PLCB4: variants seen among roughly 807,000 people sequenced by gnomAD.
PLCB4 encodes 1-phosphatidylinositol 4,5-bisphosphate phosphodiesterase beta-4.
PLCB4 carries 77 observed loss-of-function variants against 178.8 expected under a neutral mutation model. That is an observed-to-expected ratio of 0.43 (90% CI 0.36 to 0.52). The LOEUF (loss-of-function observed/expected upper bound fraction) is 0.52, where lower values mean the gene tolerates loss of function less well. Among genes scored for constraint, PLCB4 ranks in the 20% least tolerant of loss-of-function variants. The pLI is 0.00. For synonymous variants in PLCB4, 496 were observed against 490.8 expected, an observed-to-expected ratio of 1.01 and a Z score of -0.14; for missense variants, 1,024 against 1,453.4, an observed-to-expected ratio of 0.70 and a Z score of 4.80.
intron 1 of PLCB4, among the ~76,000 whole-genome samples, chr20:9,079,466 G>A (rs1490794604): frequency 6.6e-6 from 1 of 152,184 alleles, no homozygotes; most frequent in East Asian, 1.9e-4. Context: ...GGAGACAGAG[G>A]GGAATATATA....
intron 2 of PLCB4, among the ~76,000 whole-genome samples, chr20:9,212,275 TTC>T (rs1224563303): frequency 6.6e-6 from 1 of 152,242 alleles, no homozygotes; most frequent in African/African-American, 2.4e-5. Context: ...CTTTCCAACA[TTC>T]TGTTTGCTTG....
chr20:9,373,649 A>C (rs1411097018), intron 12 of PLCB4, among the ~76,000 whole-genome samples: 1 of 152,220 alleles, frequency 6.6e-6, no homozygotes, highest in Admixed American at 6.5e-5. Flanking sequence ...ATTGAGTTTT[A>C]GGCTAATAGG....
intron 2 of PLCB4, among the ~76,000 whole-genome samples, chr20:9,152,137 A>T (rs1015438139): frequency 3.3e-5 from 5 of 152,166 alleles, no homozygotes. Context: ...TTTCAGTTTT[A>T]TAAGGGAAGC....
chr20:9,284,095 A>G (rs1330553072), intron 3 of PLCB4, among the ~76,000 whole-genome samples: 2 of 151,978 alleles, frequency 1.3e-5, no homozygotes, highest in African/African-American at 4.8e-5. Flanking sequence ...CACAAACAAG[A>G]TATATAAAGG....
chr20:9,301,502 GA>G lies in PLCB4; in HGVS notation c.-15-6296del, dbSNP rs1273040262. 2.6e-5 allele frequency among the ~76,000 whole-genome samples: 4 copies of G among 152,028 alleles called. No individual in the cohort carries two copies. The East Asian group carries it at 5.8e-4, about 22-fold the overall frequency. On this transcript the variant is annotated intron_variant, in intron 3 of 39. Coordinates refer to ENST00000378473, the MANE Select transcript of PLCB4 (RefSeq NM_001377142.1). ...TGAGATAGGTGGTCTGGTAATTCCT[GA>G]AGACCACCTTATAGGTCTAGCAAGG...
chr20:9,459,706 A>C lies in PLCB4; in HGVS notation c.3144A>C (p.Gln1048His), dbSNP rs2043275728. ...TCAATACCCACAGTGCTGAGGAGCAAGAAATCCGAGACCTGCACCTCAGCC... is the reference window on the plus strand; with the variant it reads ...TCAATACCCACAGTGCTGAGGAGCACGAAATCCGAGACCTGCACCTCAGCC... The part of the protein sequence containing the change: ...EMINTHSAEE[Q>H]EIRDLHLSQQ... The change falls in exon 35 of 40, where the codon CAA becomes CAC. Residue 1048 changes from glutamine to histidine, a missense_variant. Physicochemically the swap from Gln to His is conservative, Grantham distance 24. Coordinates refer to ENST00000378473, the MANE Select transcript of PLCB4 (RefSeq NM_001377142.1). 2 of 1,612,546 alleles carry C rather than the reference A, an allele frequency of 1.2e-6. No homozygotes were observed. Among genetic ancestry groups the C allele is most frequent in the Non-Finnish European group, 1.7e-6 (2 of 1,178,648 alleles).
chr20:9,288,457 A>G (rs1367431655), intron 3 of PLCB4, among the ~76,000 whole-genome samples: 1 of 150,920 alleles, frequency 6.6e-6, no homozygotes, highest in African/African-American at 2.4e-5. Context: ...CTTTTACATC[A>G]ATCTTGATAA....
In PLCB4 at chr20:9,185,217, C is replaced by G. The variant is rs375720381; in HGVS notation, c.-78-32173C>G. On this transcript the variant is annotated intron_variant, in intron 2 of 39. Coordinates refer to ENST00000378473, the MANE Select transcript of PLCB4 (RefSeq NM_001377142.1). ...CACGCCCAGCCTAAGACTTTGCTTC[C>G]TTGTGGAAAAACTCCCTGGAAGGGA... Among the ~76,000 whole-genome samples, 26 of 152,302 alleles carry G rather than the reference C, an allele frequency of 1.7e-4. No homozygotes were observed. The South Asian group carries it at 5.2e-3, about 30-fold the overall frequency.
At chr20:9,322,470 G>A (rs571258942) in intron 4 of PLCB4, among the ~76,000 whole-genome samples, 1 of 152,140 alleles carries the variant, frequency 6.6e-6, no homozygotes, top group East Asian at 1.9e-4. Context: ...CACTTGCTCC[G>A]AAATGCTGCT....
chr20:9,136,294 G>A (rs959022741), intron 2 of PLCB4, among the ~76,000 whole-genome samples: 2 of 152,080 alleles, frequency 1.3e-5, no homozygotes, highest in African/African-American at 4.8e-5. Flanking sequence ...GGAAGCACCC[G>A]TAGGGGAGTG....
intron 7 of PLCB4, among the ~76,000 whole-genome samples, chr20:9,350,320 C>G (rs2148151866): frequency 6.6e-6 from 1 of 152,280 alleles, no homozygotes; most frequent in East Asian, 1.9e-4. Flanking sequence ...ATGTCAGACA[C>G]TGTTCAAAGT....
intron 28 of PLCB4, among the ~76,000 whole-genome samples, chr20:9,435,153 T>C (rs1466979491): frequency 2.0e-5 from 3 of 152,222 alleles, no homozygotes; most frequent in Non-Finnish European, 2.9e-5. Flanking sequence ...TGAATTATCA[T>C]GATTATTCTG....
intron 4 of PLCB4, among the ~76,000 whole-genome samples, chr20:9,331,866 G>A (rs2031710876): frequency 6.6e-6 from 1 of 152,098 alleles, no homozygotes; most frequent in African/African-American, 2.4e-5. Flanking sequence ...GCCAGAAATA[G>A]CTTCTAGCAA....
intron 30 of PLCB4, among the ~76,000 whole-genome samples, chr20:9,441,090 T>C (rs1425908805): frequency 6.6e-6 from 1 of 152,328 alleles, no homozygotes; most frequent in East Asian, 1.9e-4. Flanking sequence ...ATTCTTCTCA[T>C]GCATATTGAA....
At position 9,435,554 on chromosome 20, in the gene PLCB4, C is replaced by G; in HGVS notation, c.2525-6C>G. 1 of 1,550,760 alleles carries G rather than the reference C, an allele frequency of 6.4e-7. No individual in the cohort carries two copies. Among genetic ancestry groups the G allele is most frequent in the African/African-American group, 1.4e-5 (1 of 72,946 alleles). Reference sequence around the variant, plus strand: ...TAACGGCTCATTGGGTTTTTTTTTCCCCTAGATATCGTGGATGCTTTATCA... The same window carrying G: ...TAACGGCTCATTGGGTTTTTTTTTCGCCTAGATATCGTGGATGCTTTATCA... On this transcript the variant is annotated splice_polypyrimidine_tract_variant and splice_region_variant and intron_variant, in intron 28 of 39. Coordinates refer to ENST00000378473, the MANE Select transcript of PLCB4 (RefSeq NM_001377142.1).
At chr20:9,070,232 G>A (rs2089498204) in intron 1 of PLCB4, among the ~76,000 whole-genome samples, 1 of 152,202 alleles carries the variant, frequency 6.6e-6, no homozygotes. Context: ...AGCAACTGGT[G>A]ACTTTACCTG....
intron 2 of PLCB4, among the ~76,000 whole-genome samples, chr20:9,192,240 C>A (rs566063023): frequency 6.6e-6 from 1 of 152,306 alleles, no homozygotes; most frequent in Admixed American, 6.5e-5. Flanking sequence ...ATGAGCCGAA[C>A]TGCTCTGAAG....
At chr20:9,314,122 G>C (rs1040778904) in intron 4 of PLCB4, among the ~76,000 whole-genome samples, 2 of 152,156 alleles carry the variant, frequency 1.3e-5, no homozygotes, top group Admixed American at 6.5e-5. Context: ...ATTCAGCTAG[G>C]GCAGAGGGTA....
intron 2 of PLCB4, among the ~76,000 whole-genome samples, chr20:9,184,086 C>T (rs2093291243): frequency 6.6e-6 from 1 of 152,030 alleles, no homozygotes; most frequent in South Asian, 2.1e-4. Context: ...TTGGAAGGTA[C>T]CAGAAGATGG....
Sources: allele counts gnomAD v4.1 joint callset (sites outside exome capture counted in the v4.1 genomes callset), GRCh38; gene constraint gnomAD v4.1.1; transcripts MANE v1.5; gene names NCBI Gene and HGNC (gene_info 2026-07-23, HGNC 2026-07-21).